The following MLLT3 variants were observed in gnomAD, a reference collection of about 807,000 sequenced individuals.
MLLT3 encodes the protein MLLT3 super elongation complex subunit.
Under a neutral mutation model 53.2 loss-of-function variants are expected in MLLT3, and 4 were observed. The ratio of observed to expected loss-of-function variants is 0.08; its 90% confidence interval spans 0.04 to 0.17. The LOEUF (loss-of-function observed/expected upper bound fraction) is 0.17. MLLT3 is among the 10% of genes least tolerant of loss of function. MLLT3 has a pLI of 1.00. For synonymous variants in MLLT3, 283 were observed against 230.6 expected (o/e 1.23, Z -2.06); for missense variants, 569 against 684.0 (o/e 0.83, Z 1.87).
chr9:20,605,102 T>C (rs1820528001), intron 2 of MLLT3, among the ~76,000 whole-genome samples: 1 of 152,134 alleles, frequency 6.6e-6, no homozygotes, highest in African/African-American at 2.4e-5. Flanking sequence ...AGATGTTTGA[T>C]TCTTTCAGTG....
chr9:20,362,355 A>G (rs1315841560), intron 7 of MLLT3, among the ~76,000 whole-genome samples: 1 of 152,210 alleles, frequency 6.6e-6, no homozygotes, highest in Non-Finnish European at 1.5e-5. Context: ...TTCATCAACT[A>G]AACTTGAGAG....
chr9:20,391,472 G>C (rs1189313501), intron 5 of MLLT3, among the ~76,000 whole-genome samples: 1 of 152,072 alleles, frequency 6.6e-6, no homozygotes, highest in African/African-American at 2.4e-5. Context: ...TTACTTTAAG[G>C]CATGAAACCA....
chr9:20,405,562 G>C (rs1205670766), intron 5 of MLLT3, among the ~76,000 whole-genome samples: 2 of 152,164 alleles, frequency 1.3e-5, no homozygotes, highest in Non-Finnish European at 2.9e-5. Flanking sequence ...CCACCTGTAA[G>C]ATGAGAACAA....
Position 20,555,573 on chromosome 9 carries a change from C to A in MLLT3, c.193+65081G>T, listed in dbSNP as rs78124864. 9.7e-3 allele frequency among the ~76,000 whole-genome samples: 1,470 copies of A among 152,310 alleles called. 12 individuals carry two copies. Among genetic ancestry groups the A allele is most frequent in the Non-Finnish European group, 0.015 (1,035 of 68,018 alleles). ...ATAACATTTAGGGCACATGAAAACT[C>A]TAAAGGAAAACAACTATCTCTCCAT... On this transcript the variant is annotated intron_variant, in intron 2 of 10. Coordinates refer to ENST00000380338, the MANE Select transcript of MLLT3 (RefSeq NM_004529.4).
At chr9:20,609,336 T>G (rs1315725841) in intron 2 of MLLT3, among the ~76,000 whole-genome samples, 1 of 152,102 alleles carries the variant, frequency 6.6e-6, no homozygotes, top group African/African-American at 2.4e-5. Context: ...CCCTATTTAT[T>G]CTTATATGTA....
At chr9:20,559,545 G>A (rs958770951) in intron 2 of MLLT3, among the ~76,000 whole-genome samples, 1 of 152,162 alleles carries the variant, frequency 6.6e-6, no homozygotes, top group African/African-American at 2.4e-5. Context: ...ATTATATGGG[G>A]ATATTTATTT....
intron 2 of MLLT3, among the ~76,000 whole-genome samples, chr9:20,462,927 G>T (rs1824147509): frequency 6.6e-6 from 1 of 152,036 alleles, no homozygotes; most frequent in South Asian, 2.1e-4. Context: ...AAAGGCATCA[G>T]GAGAGTAAAA....
At chr9:20,606,318 G>A (rs1317694729) in intron 2 of MLLT3, among the ~76,000 whole-genome samples, 1 of 151,962 alleles carries the variant, frequency 6.6e-6, no homozygotes, top group African/African-American at 2.4e-5. Context: ...AGGGATTGCA[G>A]GAGGTGGGGG....
At chr9:20,454,287 G>C (rs1032344936) in intron 3 of MLLT3, among the ~76,000 whole-genome samples, 1 of 151,988 alleles carries the variant, frequency 6.6e-6, no homozygotes, top group African/African-American at 2.4e-5. Context: ...GTGCGCGTAT[G>C]GTAGGGAGTG....
chr9:20,395,138 A>T (rs964018263), intron 5 of MLLT3, among the ~76,000 whole-genome samples: 2 of 152,174 alleles, frequency 1.3e-5, no homozygotes, highest in African/African-American at 4.8e-5. Flanking sequence ...GATGCTAGGC[A>T]CAAAGCACTT....
intron 2 of MLLT3, among the ~76,000 whole-genome samples, chr9:20,488,753 C>T (rs1824874066): frequency 6.6e-6 from 1 of 152,144 alleles, no homozygotes; most frequent in South Asian, 2.1e-4. Flanking sequence ...TGTAAAGGAA[C>T]AAATGCCCCG....
At chr9:20,520,300 CA>C (rs1222809256) in intron 2 of MLLT3, among the ~76,000 whole-genome samples, 1 of 151,794 alleles carries the variant, frequency 6.6e-6, no homozygotes, top group Non-Finnish European at 1.5e-5. Flanking sequence ...ACCTCTATGA[CA>C]CAAGTTTACC....
chr9:20,622,421 CGCTCGCTCGCTT>C lies in MLLT3; in HGVS notation c.-177_-166del, dbSNP rs1821047789. 3.3e-6 allele frequency: 2 copies of C among 615,370 alleles called. No homozygotes were observed. The highest frequency in any genetic ancestry group is 5.6e-6 in the Non-Finnish European group (2 of 360,060). 38.1% of individuals were successfully genotyped at this position (615,370 alleles called of 1,614,324 possible). A position where few individuals can be genotyped will look rare whatever the true frequency, so the allele number is the denominator to read the frequency against. On this transcript the variant is annotated 5_prime_UTR_variant, in exon 1 of 11. The change creates a new upstream start codon in the 5' untranslated region. Coordinates refer to ENST00000380338, the MANE Select transcript of MLLT3 (RefSeq NM_004529.4). ...CTTTTTCCCCCCGCGCTCGCTTGCT[CGCTCGCTCGCTT>C]ATTAAACTCAGCCCCAAAAGCAAAA...
chr9:20,468,226 T>G (rs1299867981), intron 2 of MLLT3, among the ~76,000 whole-genome samples: 1 of 152,228 alleles, frequency 6.6e-6, no homozygotes, highest in African/African-American at 2.4e-5. Context: ...ATGCAAGCCA[T>G]AAATATTAGA....
Position 20,448,389 on chromosome 9 carries a change from A to C in MLLT3, c.277-123T>G, listed in dbSNP as rs1042295465. 25 of 790,704 alleles carry C rather than the reference A, an allele frequency of 3.2e-5. 1 individual carries two copies. In the Admixed American group the frequency reaches 7.3e-4, roughly 23 times the overall value. 49.0% of individuals were successfully genotyped at this position (790,704 alleles called of 1,614,324 possible). ...TAAGACATCTAACAGCTAAACTGTC[A>C]AAGTAGTACTGGGAAAAAAAAAAGT... On this transcript the variant is annotated intron_variant, in intron 3 of 10. Coordinates refer to ENST00000380338, the MANE Select transcript of MLLT3 (RefSeq NM_004529.4). This position sits in a 1 kb window ranked among gnomAD's most constrained non-coding sequence, Gnocchi z 4.0.
At chr9:20,435,275 C>T (rs142771399) in intron 4 of MLLT3, among the ~76,000 whole-genome samples, 1 of 152,094 alleles carries the variant, frequency 6.6e-6, no homozygotes, top group East Asian at 1.9e-4. Flanking sequence ...AACTCCTGGG[C>T]TCCAGCAATC....
intron 2 of MLLT3, among the ~76,000 whole-genome samples, chr9:20,516,207 T>A (rs1246107215): frequency 6.6e-6 from 1 of 152,094 alleles, no homozygotes; most frequent in Non-Finnish European, 1.5e-5. Context: ...AGTATCCCCA[T>A]CACATAAGCT....
rs566774334 is a variant in MLLT3, at chr9:20,500,691, A to T, written c.194-43905T>A. On this transcript the variant is annotated intron_variant, in intron 2 of 10. Transcript: ENST00000380338. Reference sequence around the variant, plus strand: ...CAGGCTCAATATTTTCCCCATTCTTATTTCTCCCAATACTGTTTTCCATCT... The same window carrying T: ...CAGGCTCAATATTTTCCCCATTCTTTTTTCTCCCAATACTGTTTTCCATCT... Among the ~76,000 whole-genome samples the T allele has an allele frequency of 2.0e-5, 3 of 152,202 alleles. No homozygotes were observed. The South Asian group carries it at 6.2e-4, about 32-fold the overall frequency.
rs546294058 is a variant in MLLT3 at position 20,548,853 on chromosome 9, C to T, written c.193+71801G>A. ...TTTTTTTTTTCCAAACAGGGTCTCA[C>T]TGTGTCAGCCAGGCTAGAGTGCAGT... On this transcript the variant is annotated intron_variant, in intron 2 of 10. Coordinates refer to ENST00000380338, the MANE Select transcript of MLLT3 (RefSeq NM_004529.4). 7.3e-5 allele frequency among the ~76,000 whole-genome samples: 11 copies of T among 151,166 alleles called. No individual in the cohort carries two copies. In the East Asian group the frequency reaches 2.1e-3, roughly 29 times the overall value.
Sources: allele counts gnomAD v4.1 joint callset (sites outside exome capture counted in the v4.1 genomes callset), GRCh38; gene constraint gnomAD v4.1.1; non-coding constraint Gnocchi (gnomAD v3.1); transcripts MANE v1.5; gene names NCBI Gene and HGNC (gene_info 2026-07-23, HGNC 2026-07-21).